The following ARHGAP18 variants were observed in gnomAD, a reference collection of about 807,000 sequenced individuals.
ARHGAP18 encodes Rho GTPase activating protein 18.
ARHGAP18 carries 67 observed loss-of-function variants against 86.2 expected under a neutral mutation model. The observed-to-expected ratio is 0.78, with a 90% confidence interval of 0.64 to 0.95. ARHGAP18 has a LOEUF of 0.95. ARHGAP18 is among the 40% of genes least tolerant of loss of function. The probability of loss-of-function intolerance (pLI) is 0.00; values close to 1 mark genes in which losing one functional copy is unlikely to be tolerated. For synonymous variants in ARHGAP18, 283 were observed against 280.4 expected, an observed-to-expected ratio of 1.01 and a Z score of -0.09; for missense variants, 691 against 780.4, an observed-to-expected ratio of 0.89 and a Z score of 1.37.
At chr6:129,611,197 C>T (rs986329427) in intron 8 of ARHGAP18, among the ~76,000 whole-genome samples, 7 of 152,184 alleles carry the variant, frequency 4.6e-5, no homozygotes, top group Non-Finnish European at 7.3e-5. Flanking sequence ...CCACCACGCC[C>T]GGCCCTGACT....
intron 13 of ARHGAP18, among the ~76,000 whole-genome samples, chr6:129,583,568 T>C (rs865816237): frequency 1.3e-5 from 2 of 152,332 alleles, no homozygotes; most frequent in Middle Eastern, 3.4e-3. Flanking sequence ...TTGAAATCCA[T>C]TATATTTCAT....
intron 1 of ARHGAP18, among the ~76,000 whole-genome samples, chr6:129,672,808 G>GTA (rs754772804): frequency 1.6e-4 from 24 of 152,138 alleles, no homozygotes; most frequent in Admixed American, 6.5e-5. Context: ...TCAAAATCTG[G>GTA]TTCTTGTTAA....
chr6:129,647,725 A>G (rs543593962), intron 1 of ARHGAP18, among the ~76,000 whole-genome samples: 3 of 152,086 alleles, frequency 2.0e-5, no homozygotes, highest in Non-Finnish European at 4.4e-5. Flanking sequence ...CATGACATAT[A>G]AACCATAATG....
At chr6:129,678,762 T>C (rs1584109280) in intron 1 of ARHGAP18, among the ~76,000 whole-genome samples, 1 of 152,230 alleles carries the variant, frequency 6.6e-6, no homozygotes. Context: ...ACTTCAAATA[T>C]AGACATAAGA....
intron 1 of ARHGAP18, among the ~76,000 whole-genome samples, chr6:129,683,055 C>CTTTTT (rs199633610): frequency 1.3e-4 from 18 of 139,070 alleles, no homozygotes; most frequent in African/African-American, 1.9e-4. Flanking sequence ...TTTGTTTTTT[C>CTTTTT]TTTTTTTTTT....
At chr6:129,584,782 G>T (rs1788361855) in intron 12 of ARHGAP18, among the ~76,000 whole-genome samples, 1 of 151,982 alleles carries the variant, frequency 6.6e-6, no homozygotes, top group Non-Finnish European at 1.5e-5. Context: ...ATTCCTAAAG[G>T]GTTTTGCTAA....
At chr6:129,646,184 G>A (rs1437502672) in intron 1 of ARHGAP18, among the ~76,000 whole-genome samples, 2 of 152,150 alleles carry the variant, frequency 1.3e-5, no homozygotes, top group Non-Finnish European at 2.9e-5. Context: ...GGGAGTCTAA[G>A]TACCAAATGA....
chr6:129,605,791 T>G (rs1466426795), intron 10 of ARHGAP18, 86 bp downstream of exon 10: 2 of 1,220,990 alleles, frequency 1.6e-6, no homozygotes, highest in African/African-American at 3.0e-5. Flanking sequence ...ATGTCCAAGA[T>G]ACACATCTTA....
At chr6:129,706,217 C>G (rs965611090) in intron 1 of ARHGAP18, among the ~76,000 whole-genome samples, 8 of 152,064 alleles carry the variant, frequency 5.3e-5, no homozygotes, top group Non-Finnish European at 7.4e-5. Context: ...CAATATTCTT[C>G]GAAAAAATTC....
intron 1 of ARHGAP18, among the ~76,000 whole-genome samples, chr6:129,672,310 A>C (rs1774155685): frequency 6.6e-6 from 1 of 152,198 alleles, no homozygotes; most frequent in Non-Finnish European, 1.5e-5. Context: ...CTCAGATCAC[A>C]AAGATCTCTA....
intron 1 of ARHGAP18, among the ~76,000 whole-genome samples, chr6:129,645,700 C>T (rs375839638): frequency 1.3e-5 from 2 of 152,184 alleles, no homozygotes; most frequent in South Asian, 2.1e-4. Context: ...TATAAAGAAT[C>T]GCTTCCTAGC....
intron 1 of ARHGAP18, among the ~76,000 whole-genome samples, chr6:129,686,475 T>C (rs1774426050): frequency 6.6e-6 from 1 of 152,186 alleles, no homozygotes; most frequent in South Asian, 2.1e-4. Context: ...CAGTAAGATA[T>C]GAGGATAGAG....
At chr6:129,668,128 A>C (rs1249455967) in intron 1 of ARHGAP18, among the ~76,000 whole-genome samples, 1 of 152,220 alleles carries the variant, frequency 6.6e-6, no homozygotes, top group Non-Finnish European at 1.5e-5. Context: ...ATTTGGAATT[A>C]TCGTGTAACA....
rs757158156 is a variant in ARHGAP18, at chr6:129,607,880, G to T, written c.1282+13C>A. 1 of 1,584,206 alleles carries T rather than the reference G, an allele frequency of 6.3e-7. No homozygotes were observed. The highest frequency in any genetic ancestry group is 1.2e-5 in the South Asian group (1 of 85,204). The stretch of plus-strand genomic sequence containing the variant: ...CCAGCAGAAGGACTGCTTCAAAGAG[G>T]GATAGCACTTACTCTGGACAGCCTG... On this transcript the variant is annotated intron_variant, in intron 9 of 14. Coordinates refer to ENST00000368149, the MANE Select transcript of ARHGAP18 (RefSeq NM_033515.3).
At chr6:129,657,452 A>C (rs1391299103) in intron 1 of ARHGAP18, among the ~76,000 whole-genome samples, 1 of 150,142 alleles carries the variant, frequency 6.7e-6, no homozygotes, top group Non-Finnish European at 1.5e-5. Context: ...AAAACAACTT[A>C]ATACATGTTG....
chr6:129,664,155 G>T (rs1463409460), intron 1 of ARHGAP18, among the ~76,000 whole-genome samples: 2 of 152,174 alleles, frequency 1.3e-5, no homozygotes, highest in Non-Finnish European at 2.9e-5. Context: ...GATTAAAATG[G>T]CATGACTCAT....
intron 4 of ARHGAP18, among the ~76,000 whole-genome samples, chr6:129,630,531 A>G (rs936487255): frequency 1.3e-5 from 2 of 152,248 alleles, no homozygotes; most frequent in Admixed American, 1.3e-4. Context: ...TGGAAGCTAA[A>G]GTTAATTTAA....
intron 1 of ARHGAP18, among the ~76,000 whole-genome samples, chr6:129,671,595 T>A (rs992751784): frequency 3.9e-5 from 6 of 152,230 alleles, no homozygotes; most frequent in Non-Finnish European, 8.8e-5. Context: ...TATTAATAGC[T>A]ACTCGGGAGG....
At chr6:129,597,464 A>C (rs1249539753) in intron 12 of ARHGAP18, among the ~76,000 whole-genome samples, 1 of 152,118 alleles carries the variant, frequency 6.6e-6, no homozygotes, top group Non-Finnish European at 1.5e-5. Context: ...ACACCTGAAC[A>C]ACACTGATTT....
Sources: allele counts gnomAD v4.1 joint callset (sites outside exome capture counted in the v4.1 genomes callset), GRCh38; gene constraint gnomAD v4.1.1; transcripts MANE v1.5; gene names NCBI Gene and HGNC (gene_info 2026-07-23, HGNC 2026-07-21).